Variants in PROM1 observed in about 807,000 individuals in gnomAD.
The protein encoded by PROM1 is prominin 1.
PROM1 carries 105 observed loss-of-function variants against 116.9 expected under a neutral mutation model. The ratio of observed to expected loss-of-function variants is 0.90; its 90% CI spans 0.77 to 1.06. The LOEUF is 1.06. PROM1 is among the 50% of genes least tolerant of loss of function. The pLI is 0.00. For missense variants in PROM1, 1,122 were observed against 1,045.2 expected (o/e 1.07, Z -1.01); for synonymous variants, 393 against 387.0 (o/e 1.02, Z -0.18).
intron 26 of PROM1, among the ~76,000 whole-genome samples, chr4:15,978,137 A>T (rs772403628): frequency 2.6e-5 from 4 of 152,166 alleles, no homozygotes; most frequent in Non-Finnish European, 5.9e-5. Context: ...TTCACCGGAC[A>T]CCGAATCTGA....
intron 2 of PROM1, among the ~76,000 whole-genome samples, chr4:16,054,456 G>A (rs1034021480): frequency 5.9e-5 from 9 of 152,140 alleles, no homozygotes; most frequent in Admixed American, 1.3e-4. Flanking sequence ...CATTACCAGC[G>A]CTCTCTTTTA....
intron 2 of PROM1, among the ~76,000 whole-genome samples, chr4:16,065,674 C>T (rs1741365043): frequency 1.3e-5 from 2 of 152,178 alleles, no homozygotes; most frequent in African/African-American, 2.4e-5. Flanking sequence ...ATCAGACAGT[C>T]AGGTTTCAAT....
At chr4:15,985,217 A>G (rs920483791) in intron 22 of PROM1, among the ~76,000 whole-genome samples, 1 of 152,220 alleles carries the variant, frequency 6.6e-6, no homozygotes, top group African/African-American at 2.4e-5. Flanking sequence ...TTTAAAGCAC[A>G]CAGGAGGATG....
At chr4:16,017,210 A>G (rs1248412605) in intron 9 of PROM1, among the ~76,000 whole-genome samples, 2 of 152,246 alleles carry the variant, frequency 1.3e-5, no homozygotes, top group Admixed American at 6.5e-5. Flanking sequence ...GAACAGACAG[A>G]TAAACTGATA....
At chr4:16,005,642 G>A (rs986875014) in intron 13 of PROM1, among the ~76,000 whole-genome samples, 1 of 152,048 alleles carries the variant, frequency 6.6e-6, no homozygotes, top group Non-Finnish European at 1.5e-5. Flanking sequence ...CCGTGCTAGT[G>A]ACTTAAGTGG....
At chr4:15,989,915 G>T in intron 18 of PROM1, 91 bp from the exon 19 acceptor site, 1 of 1,023,602 alleles carries the variant, frequency 9.8e-7, no homozygotes, top group Non-Finnish European at 1.5e-6. Context: ...AGCCAGGAGG[G>T]CTGCCATGAC....
At chr4:15,992,080 G>A (rs1158401670) in intron 17 of PROM1, among the ~76,000 whole-genome samples, 168 bp downstream of exon 17, 1 of 152,098 alleles carries the variant, frequency 6.6e-6, no homozygotes, top group Admixed American at 6.5e-5. Flanking sequence ...AACTACAGAA[G>A]TAGTTGTGCA....
Position 15,985,962 on chromosome 4 carries a change from TA to T in PROM1, c.2205del (p.Ile736LeufsTer11). 9.2e-7 allele frequency: 1 copy of T among 1,083,340 alleles called. No individual in the cohort carries two copies. Among genetic ancestry groups the T allele is most frequent in the Non-Finnish European group, 1.2e-6 (1 of 859,994 alleles). The allele number at this position is 1,083,340 out of a possible 1,614,324, so 67.1% of individuals were successfully genotyped here. On this transcript the variant is annotated frameshift_variant, in exon 21 of 28. Coordinates refer to ENST00000447510, the MANE Select transcript of PROM1 (RefSeq NM_006017.3). LOFTEE classifies it high-confidence loss of function. ...NFITNNTSSV[I>X]IEETKKYGRT... ...CTTTAAAAAAGAAGGCTCACCTCAA[TA>T]ATAACAGAGGAAGTATTGTTTGTGA...
At chr4:16,033,605 T>TTTC in intron 4 of PROM1, 96 bp from the exon 5 acceptor site, 1 of 1,148,380 alleles carries the variant, frequency 8.7e-7, no homozygotes, top group Non-Finnish European at 1.2e-6. Flanking sequence ...TTTTTTTTTT[T>TTTC]TTGAGACAGG....
At position 16,018,575 on chromosome 4, in the gene PROM1, C is replaced by T. The variant is rs1194313955; in HGVS notation, c.785-35G>A. On this transcript the variant is annotated intron_variant, in intron 8 of 27. Transcript: ENST00000447510. Reference sequence around the variant, plus strand: ...CACAGCCCGCTTCAGAACACACATGCCAAGTCCCTCCTCATCTACAAAAGT... The same window carrying T: ...CACAGCCCGCTTCAGAACACACATGTCAAGTCCCTCCTCATCTACAAAAGT... 3.9e-6 allele frequency: 6 copies of T among 1,546,528 alleles called. No homozygotes were observed. In the South Asian group the frequency reaches 7.0e-5, roughly 18 times the overall value.
chr4:16,012,170 T>G (rs895085971), intron 11 of PROM1, among the ~76,000 whole-genome samples: 1 of 152,128 alleles, frequency 6.6e-6, no homozygotes, highest in Non-Finnish European at 1.5e-5. Context: ...CTAATTTTTG[T>G]ATTTTTAGTA....
intron 26 of PROM1, among the ~76,000 whole-genome samples, chr4:15,972,668 G>A (rs1714890813): frequency 6.6e-6 from 1 of 152,210 alleles, no homozygotes; most frequent in Admixed American, 6.5e-5. Context: ...AGGGCCTTAG[G>A]TGAGACCATA....
chr4:15,979,936 A>T (rs762782278), intron 24 of PROM1, 32 bp from the exon 25 acceptor site: 3 of 1,271,726 alleles, frequency 2.4e-6, no homozygotes, highest in East Asian at 2.6e-5. Context: ...GATAAAATTA[A>T]TTTTTTTAAT....
intron 2 of PROM1, among the ~76,000 whole-genome samples, chr4:16,050,130 G>A (rs187492995): frequency 1.3e-3 from 197 of 151,932 alleles, no homozygotes; most frequent in Non-Finnish European, 8.2e-4. Flanking sequence ...GCGCGGTGGT[G>A]GGCACCTATA....
intron 26 of PROM1, among the ~76,000 whole-genome samples, chr4:15,974,042 C>T (rs1191537578): frequency 6.6e-6 from 1 of 152,144 alleles, no homozygotes; most frequent in Non-Finnish European, 1.5e-5. Flanking sequence ...CCTGATCTCT[C>T]ATCTCAGAGC....
At chr4:16,009,519 T>C (rs980898883) in intron 11 of PROM1, among the ~76,000 whole-genome samples, 1 of 152,200 alleles carries the variant, frequency 6.6e-6, no homozygotes, top group Non-Finnish European at 1.5e-5. Flanking sequence ...GAGATTCAAT[T>C]AATTGCCCAT....
At chr4:16,079,314 T>G (rs1014476192) in intron 1 of PROM1, 1 of 152,214 alleles carries the variant, frequency 6.6e-6, no homozygotes, top group South Asian at 2.1e-4. Context: ...GAAACATAAC[T>G]GCTCACCGCA....
chr4:15,977,248 G>A (rs531803115), intron 26 of PROM1, among the ~76,000 whole-genome samples: 1 of 152,178 alleles, frequency 6.6e-6, no homozygotes, highest in Admixed American at 6.5e-5. Flanking sequence ...TTAGAACAGA[G>A]AGTACTTTCA....
chr4:16,041,316 A>G (rs914444717), intron 2 of PROM1, among the ~76,000 whole-genome samples: 2 of 152,184 alleles, frequency 1.3e-5, no homozygotes, highest in Admixed American at 6.5e-5. Context: ...TTAAATTTCA[A>G]CCTATGAGTA....
Sources: allele counts gnomAD v4.1 joint callset (sites outside exome capture counted in the v4.1 genomes callset), GRCh38; gene constraint gnomAD v4.1.1; transcripts MANE v1.5; gene names NCBI Gene and HGNC (gene_info 2026-07-23, HGNC 2026-07-21).